The following RIMKLB variants were observed in gnomAD, a reference collection of about 807,000 sequenced individuals.
The protein encoded by RIMKLB is beta-citrylglutamate synthase B.
RIMKLB carries 7 observed loss-of-function variants against 32.0 expected under a neutral mutation model. The ratio of observed to expected loss-of-function variants is 0.22; its 90% CI spans 0.12 to 0.41. The LOEUF (loss-of-function observed/expected upper bound fraction) is 0.41, where lower values mean the gene tolerates loss of function less well. Among genes scored for constraint, RIMKLB ranks in the 10% least tolerant of loss-of-function variants. The pLI, the probability that RIMKLB is intolerant of heterozygous loss-of-function variation, is 1.00. For synonymous variants in RIMKLB, 172 were observed against 185.1 expected (o/e 0.93, Z 0.57); for missense variants, 289 against 498.7 (o/e 0.58, Z 4.00).
At position 8,749,335 on chromosome 12, in the gene RIMKLB, C is replaced by T. The variant is rs141616556; in HGVS notation, c.176-527C>T. 4.0e-3 allele frequency among the ~76,000 whole-genome samples: 616 copies of T among 152,146 alleles called. 9 individuals are homozygous for T. The highest frequency in any genetic ancestry group is 0.014 in the African/African-American group (577 of 41,508). On this transcript the variant is annotated intron_variant, in intron 2 of 5. Coordinates refer to ENST00000535829, the MANE Select transcript of RIMKLB (RefSeq NM_001297776.2). Reference sequence around the variant, plus strand: ...AAGTGATTCTCCTGCCTCAGCCTCCCGAGTAGCTGGGATTAGAGGTGCCTG... The same window carrying T: ...AAGTGATTCTCCTGCCTCAGCCTCCTGAGTAGCTGGGATTAGAGGTGCCTG...
chr12:8,699,114 C>T (rs970087667), intron 1 of RIMKLB, among the ~76,000 whole-genome samples: 7 of 152,194 alleles, frequency 4.6e-5, no homozygotes, highest in African/African-American at 1.7e-4. Context: ...GGGGTTATTG[C>T]ACTAACCATG....
intron 2 of RIMKLB, among the ~76,000 whole-genome samples, chr12:8,714,625 C>G (rs1944654741): frequency 6.6e-6 from 1 of 151,894 alleles, no homozygotes; most frequent in African/African-American, 2.4e-5. Flanking sequence ...ATAAATTTTT[C>G]TAGTATTTTT....
intron 5 of RIMKLB, among the ~76,000 whole-genome samples, chr12:8,761,863 G>A (rs1949552389): frequency 6.6e-6 from 1 of 152,186 alleles, no homozygotes; most frequent in Non-Finnish European, 1.5e-5. Context: ...TTCCTCGGGA[G>A]GGGTGCCTTC....
chr12:8,771,653 AATTT>A (rs1473347915), intron 5 of RIMKLB, among the ~76,000 whole-genome samples: 1 of 151,906 alleles, frequency 6.6e-6, no homozygotes, highest in African/African-American at 2.4e-5. Flanking sequence ...CTTTGTGGGT[AATTT>A]ATTCTTTGTA....
At chr12:8,718,331 G>C (rs1945062090) in intron 2 of RIMKLB, among the ~76,000 whole-genome samples, 1 of 152,088 alleles carries the variant, frequency 6.6e-6, no homozygotes, top group South Asian at 2.1e-4. Context: ...TTGGGGTGAA[G>C]GTTTGTCGAC....
intron 2 of RIMKLB, among the ~76,000 whole-genome samples, chr12:8,749,219 ATTT>A (rs34847350): frequency 1.4e-5 from 2 of 141,038 alleles, no homozygotes; most frequent in African/African-American, 2.6e-5. Context: ...AACCACTTAG[ATTT>A]TTTTTTTTTT....
chr12:8,775,219 GGGGGT>G lies in RIMKLB; in HGVS notation c.*1439_*1443del. On this transcript the variant is annotated 3_prime_UTR_variant, in exon 6 of 6. Transcript: ENST00000535829. ...CTTTTTACATATAGGATTTGGGATT[GGGGGT>G]GGGTTGGATGTTTTTGTTTGGGGAC... 1 of 985,588 alleles carries G rather than the reference GGGGGT, an allele frequency of 1.0e-6. No individual in the cohort carries two copies. 61.1% of individuals were successfully genotyped at this position (985,588 alleles called of 1,614,324 possible).
At chr12:8,695,580 C>G (rs139161148), upstream of RIMKLB, among the ~76,000 whole-genome samples, 18 of 151,884 alleles carry the variant, frequency 1.2e-4, no homozygotes, top group African/African-American at 4.3e-4. Flanking sequence ...TTTTTAAATA[C>G]CCTCCTGAGC....
intron 2 of RIMKLB, among the ~76,000 whole-genome samples, chr12:8,736,657 G>GT (rs1039831308): frequency 6.6e-6 from 1 of 150,460 alleles, no homozygotes; most frequent in Non-Finnish European, 1.5e-5. Context: ...ATTTTTGTTT[G>GT]TTTTTTGTGG....
Position 8,775,888 on chromosome 12 carries a change from A to G in RIMKLB, c.*2104A>G. The G allele has an allele frequency of 1.0e-6, 1 of 985,248 alleles. No homozygotes were observed. The highest frequency in any genetic ancestry group is 1.2e-6 in the Non-Finnish European group (1 of 829,752). The allele number at this position is 985,248 out of a possible 1,614,324, so 61.0% of individuals were successfully genotyped here. ...TGCGCAGGGTAAATGGGGGACTCACATACATATATTAATACCTCTGACTCA... is the reference window on the plus strand; with the variant it reads ...TGCGCAGGGTAAATGGGGGACTCACGTACATATATTAATACCTCTGACTCA... On this transcript the variant is annotated 3_prime_UTR_variant, in exon 6 of 6. Coordinates refer to ENST00000535829, the MANE Select transcript of RIMKLB (RefSeq NM_001297776.2).
upstream of RIMKLB, among the ~76,000 whole-genome samples, chr12:8,695,694 C>CTTTTTTT (rs397951288): frequency 7.5e-6 from 1 of 132,766 alleles, no homozygotes; most frequent in African/African-American, 2.8e-5. Context: ...TGAATAGCAA[C>CTTTTTTT]TTTTTTTTTT....
intron 4 of RIMKLB, among the ~76,000 whole-genome samples, chr12:8,752,648 C>CTA (rs1472559383): frequency 1.3e-5 from 2 of 152,318 alleles, no homozygotes; most frequent in East Asian, 3.9e-4. Flanking sequence ...TAAGGTAAAA[C>CTA]TATAACACTT....
intron 5 of RIMKLB, among the ~76,000 whole-genome samples, chr12:8,759,492 AT>A (rs1274305516): frequency 6.6e-6 from 1 of 152,102 alleles, no homozygotes; most frequent in Non-Finnish European, 1.5e-5. Context: ...TTGCTATCTT[AT>A]GGCTATTTTA....
intron 2 of RIMKLB, among the ~76,000 whole-genome samples, chr12:8,742,227 A>G (rs1591834440): frequency 6.6e-6 from 1 of 151,882 alleles, no homozygotes. Flanking sequence ...TTTGTTACAC[A>G]TTTAACATAA....
intron 1 of RIMKLB, among the ~76,000 whole-genome samples, chr12:8,711,347 T>A (rs1944358616): frequency 1.3e-5 from 2 of 151,148 alleles, no homozygotes; most frequent in South Asian, 4.2e-4. Context: ...TGCAATGGGC[T>A]ATGATTGCAC....
the RIMKLB span, among the ~76,000 whole-genome samples, chr12:8,673,533 G>A: frequency 6.6e-6 from 1 of 152,006 alleles, no homozygotes; most frequent in Non-Finnish European, 1.5e-5. Context: ...ATCCCAAATA[G>A]GGTTGTTGGC....
chr12:8,695,037 T>G (rs936980122), upstream of RIMKLB, among the ~76,000 whole-genome samples: 3 of 152,238 alleles, frequency 2.0e-5, no homozygotes, highest in African/African-American at 7.2e-5. Context: ...ATCTTCATTT[T>G]GCTGATGAGA....
chr12:8,713,843 G>A lies in RIMKLB; in HGVS notation c.-24G>A. On this transcript the variant is annotated 5_prime_UTR_variant, in exon 2 of 6. Transcript: ENST00000535829. ...TTACATCCAAGAGGAAATAATCCAG[G>A]CAAGGAAGCACAAGCTGATCAAGAT... 6.2e-7 allele frequency: 1 copy of A among 1,613,472 alleles called. No individual in the cohort carries two copies. The highest frequency in any genetic ancestry group is 8.5e-7 in the Non-Finnish European group (1 of 1,179,562).
chr12:8,720,336 A>G (rs369430588), intron 2 of RIMKLB, among the ~76,000 whole-genome samples: 51 of 152,296 alleles, frequency 3.3e-4, no homozygotes, highest in South Asian at 1.0e-3. Context: ...AGTTGGATTC[A>G]TACTTTTGAG....
Sources: gnomAD v4.1 joint callset for allele counts (sites outside exome capture counted in the v4.1 genomes callset) on GRCh38, gnomAD v4.1.1 for gene constraint, MANE v1.5 for transcripts, NCBI Gene and HGNC (gene_info 2026-07-23, HGNC 2026-07-21) for gene names.